ADCY3: variants seen among roughly 807,000 people sequenced by gnomAD.
ADCY3 encodes adenylate cyclase type 3.
Under a neutral mutation model 119.4 loss-of-function variants are expected in ADCY3, and 70 were observed. That is an observed-to-expected ratio of 0.59 (90% CI 0.48 to 0.72). ADCY3 has a LOEUF of 0.72. Ranked by LOEUF, ADCY3 falls within the 30% of genes least tolerant of loss-of-function variation. The pLI is 0.00. For synonymous variants in ADCY3, 672 were observed against 621.4 expected (o/e 1.08, Z -1.21); for missense variants, 1,238 against 1,541.6 (o/e 0.80, Z 3.30).
intron 3 of ADCY3, among the ~76,000 whole-genome samples, chr2:24,854,357 A>T (rs57091821): frequency 0.048 from 7,268 of 152,264 alleles, 576 homozygotes; most frequent in African/African-American, 0.16. Flanking sequence ...TTTGGGGGGT[A>T]CAGCAAAGCT....
chr2:24,902,887 C>T (rs566610360), intron 2 of ADCY3, among the ~76,000 whole-genome samples: 10 of 152,124 alleles, frequency 6.6e-5, no homozygotes, highest in African/African-American at 2.2e-4. Flanking sequence ...AAAAATTAGC[C>T]GAGTGTTGTG....
intron 2 of ADCY3, among the ~76,000 whole-genome samples, chr2:24,900,080 T>C (rs1195268701): frequency 1.3e-5 from 2 of 151,826 alleles, no homozygotes; most frequent in African/African-American, 4.8e-5. Context: ...GTTACTTTTA[T>C]GTTAGATTGA....
chr2:24,880,999 A>G (rs1213895694), intron 2 of ADCY3, among the ~76,000 whole-genome samples: 5 of 146,850 alleles, frequency 3.4e-5, no homozygotes, highest in African/African-American at 1.3e-4. Context: ...TGGGCAATAG[A>G]GTGAGACTCC....
At chr2:24,838,810 G>A (rs1383919943) in intron 7 of ADCY3, 188 bp from the exon 8 acceptor site, 1 of 1,606,764 alleles carries the variant, frequency 6.2e-7, no homozygotes, top group Non-Finnish European at 8.5e-7. Flanking sequence ...TAGCTGTGTG[G>A]GCCGCTAACT....
chr2:24,889,610 G>C (rs1024907377), intron 2 of ADCY3, among the ~76,000 whole-genome samples: 1 of 152,236 alleles, frequency 6.6e-6, no homozygotes, highest in African/African-American at 2.4e-5. Flanking sequence ...GCTGAGGCGA[G>C]TGGGCCACTT....
Position 24,899,454 on chromosome 2 carries a change from A to C in ADCY3, c.675+18859T>G, listed in dbSNP as rs6718510. ...CACCTCTGCCACCAGCCTGCCAGGC[A>C]AAACTGTCCCTGGATTTCCTGCCCA... On this transcript the variant is annotated intron_variant, in intron 2 of 21. Transcript: ENST00000679454. The surrounding 1 kb of genome is among the most constrained non-coding windows in gnomAD (Gnocchi z 4.5). 0.54 allele frequency among the ~76,000 whole-genome samples: 81,385 copies of C among 151,874 alleles called. 24,556 individuals are homozygous for C. Among genetic ancestry groups the C allele is most frequent in the African/African-American group, 0.84 (34,575 of 41,390 alleles).
intron 2 of ADCY3, among the ~76,000 whole-genome samples, chr2:24,897,178 T>C (rs1395153761): frequency 6.6e-6 from 1 of 151,994 alleles, no homozygotes; most frequent in African/African-American, 2.4e-5. Context: ...CTGTACCCCA[T>C]CTTTCCCTAA....
intron 3 of ADCY3, among the ~76,000 whole-genome samples, chr2:24,869,080 C>T (rs569252811): frequency 4.6e-5 from 7 of 152,076 alleles, no homozygotes; most frequent in South Asian, 4.2e-4. Flanking sequence ...CAAAGATTAA[C>T]GGTGGTCTGC....
At chr2:24,840,068 G>C in intron 6 of ADCY3, 37 bp from the exon 7 acceptor site, 1 of 1,579,924 alleles carries the variant, frequency 6.3e-7, no homozygotes. Context: ...TCAGGGTGTG[G>C]CCTTCACGAG....
chr2:24,834,639 T>C lies in ADCY3; in HGVS notation c.1813A>G (p.Lys605Glu), dbSNP rs1465669682. The C allele has an allele frequency of 6.2e-7, 1 of 1,613,992 alleles. No homozygotes were observed. Among genetic ancestry groups the C allele is most frequent in the Non-Finnish European group, 8.5e-7 (1 of 1,179,960 alleles). ...LERESAQVVK[K>E]RNTFLLSMRF... ...ATGGACAAGAGGAAGGTGTTTCTCT[T>C]CTTTACTCTGCAGTGGGAACAAGCC... Residue 605 changes from lysine (K) to glutamate (E), a missense_variant, in exon 11 of 22, where the codon AAG becomes GAG. Transcript: ENST00000679454. This position sits in a 1 kb window ranked among gnomAD's most constrained non-coding sequence, Gnocchi z 4.2.
intron 3 of ADCY3, among the ~76,000 whole-genome samples, chr2:24,853,385 TTGTA>T (rs916145660): frequency 7.2e-5 from 11 of 152,184 alleles, no homozygotes; most frequent in Non-Finnish European, 1.2e-4. Context: ...TCCATATTCT[TTGTA>T]TGTTTTCTTT....
intron 3 of ADCY3, among the ~76,000 whole-genome samples, chr2:24,854,824 C>T (rs947456236): frequency 2.0e-5 from 3 of 151,920 alleles, no homozygotes; most frequent in South Asian, 2.1e-4. Flanking sequence ...CTGAGGTGGG[C>T]GGATCACTTA....
chr2:24,874,860 A>C (rs1022635597), intron 2 of ADCY3, among the ~76,000 whole-genome samples: 3 of 152,234 alleles, frequency 2.0e-5, no homozygotes, highest in African/African-American at 7.2e-5. Context: ...TTATTTTTAA[A>C]AACTTGCAGA....
At chr2:24,823,984 T>C (rs1303194089) in intron 17 of ADCY3, among the ~76,000 whole-genome samples, 2 of 152,298 alleles carry the variant, frequency 1.3e-5, no homozygotes, top group East Asian at 1.9e-4. Flanking sequence ...CATGAGCCAC[T>C]GTGCCCGGCC....
intron 2 of ADCY3, among the ~76,000 whole-genome samples, chr2:24,873,519 G>C (rs1675281051): frequency 1.3e-5 from 2 of 152,174 alleles, no homozygotes; most frequent in Admixed American, 6.5e-5. Flanking sequence ...CAGGTGTCCT[G>C]GCCCACTTCC....
chr2:24,835,675 C>G (rs1001383339), intron 9 of ADCY3, among the ~76,000 whole-genome samples: 3 of 152,142 alleles, frequency 2.0e-5, no homozygotes, highest in African/African-American at 7.2e-5. Flanking sequence ...GTGACTCACG[C>G]CTGTCATCCC....
At position 24,826,096 on chromosome 2, in the gene ADCY3, C is replaced by T. The variant is rs146165057; in HGVS notation, c.2526G>A (p.Met842Ile). 252 of 1,613,994 alleles carry T rather than the reference C, an allele frequency of 1.6e-4. No individual in the cohort carries two copies. Among genetic ancestry groups the T allele is most frequent in the Admixed American group, 8.3e-4 (50 of 60,008 alleles). The change falls in exon 16 of 22, where the codon ATG becomes ATA. Residue 842 changes from methionine to isoleucine, a missense_variant. Met to Ile is a conservative substitution (Grantham distance 10). This residue lies in a region of ADCY3 where 499 missense variants were observed against 571.0 expected (regional missense o/e 0.87). Transcript: ENST00000679454. The stretch of plus-strand genomic sequence containing the variant: ...GCATCATGAGGAACACCATCACCGT[C>T]ATAGAGTACTTGGAAGGCACCAGGG... Reference protein sequence around the residue: ...RLPLVPSKYSMTVMVFLMMLS... With the variant: ...RLPLVPSKYSITVMVFLMMLS...
chr2:24,821,560 G>C lies in ADCY3; in HGVS notation c.3084C>G (p.Thr1028=), dbSNP rs754014653. 2 of 1,614,154 alleles carry C rather than the reference G, an allele frequency of 1.2e-6. No homozygotes were observed. Among genetic ancestry groups the C allele is most frequent in the Non-Finnish European group, 1.7e-6 (2 of 1,180,002 alleles). Residue 1028 remains threonine, a synonymous_variant, in exon 20 of 22, where the codon ACC becomes ACG. Coordinates refer to ENST00000679454, the MANE Select transcript of ADCY3 (RefSeq NM_004036.5). ...TATTGAAGGACTGGTTGTTGATGTTGGTGAGCGTATCCTTCATGGCCAGCG... is the reference window on the plus strand; with the variant it reads ...TATTGAAGGACTGGTTGTTGATGTTCGTGAGCGTATCCTTCATGGCCAGCG... The part of the protein sequence containing the change: ...DFALAMKDTL[T]NINNQSFNNF...
rs1248979205 is a variant in ADCY3, at chr2:24,878,515, G to A, written c.676-5796C>T. 1.3e-5 allele frequency among the ~76,000 whole-genome samples: 2 copies of A among 152,200 alleles called. No homozygotes were observed. Among genetic ancestry groups the A allele is most frequent in the East Asian group, 1.9e-4 (1 of 5,194 alleles). ...TGAGCAAGAGAAAGCTGCTCAGGGT[G>A]CAGTGTCCGTGTCGCCCACAGAGAC... On this transcript the variant is annotated intron_variant, in intron 2 of 21. Transcript: ENST00000679454. This position sits in a 1 kb window ranked among gnomAD's most constrained non-coding sequence, Gnocchi z 4.0.
Sources: allele counts gnomAD v4.1 joint callset (sites outside exome capture counted in the v4.1 genomes callset), GRCh38; gene constraint gnomAD v4.1.1; regional missense constraint gnomAD v4.1.1; non-coding constraint Gnocchi (gnomAD v3.1); transcripts MANE v1.5; gene names NCBI Gene and HGNC (gene_info 2026-07-23, HGNC 2026-07-21).